PDE4D: variants seen among roughly 807,000 people sequenced by gnomAD.
PDE4D encodes 3',5'-cyclic-AMP phosphodiesterase 4D.
Under a neutral mutation model 87.4 loss-of-function variants are expected in PDE4D, and 24 were observed. That is an observed-to-expected ratio of 0.27 (90% CI 0.20 to 0.39). PDE4D has a LOEUF of 0.39. Among genes scored for constraint, PDE4D ranks in the 10% least tolerant of loss-of-function variants. The pLI is 1.00. For synonymous variants in PDE4D, 384 were observed against 383.2 expected, an observed-to-expected ratio of 1.00 and a Z score of -0.02; for missense variants, 714 against 1,041.0, an observed-to-expected ratio of 0.69 and a Z score of 4.32.
intron 5 of PDE4D, among the ~76,000 whole-genome samples, chr5:59,171,914 T>A (rs1282729768): frequency 1.7e-5 from 2 of 120,988 alleles, no homozygotes; most frequent in African/African-American, 6.7e-5. Context: ...ATATGAGAAA[T>A]ACATTATATA....
At chr5:58,997,345 C>G (rs1749461162) in intron 6 of PDE4D, among the ~76,000 whole-genome samples, 1 of 152,024 alleles carries the variant, frequency 6.6e-6, no homozygotes, top group South Asian at 2.1e-4. Context: ...ATTCAACAAA[C>G]ATTTAAAAAT....
At chr5:59,831,338 A>C (rs1741191731) in intron 1 of PDE4D, among the ~76,000 whole-genome samples, 1 of 151,566 alleles carries the variant, frequency 6.6e-6, no homozygotes, top group South Asian at 2.1e-4. Flanking sequence ...AAAAAAAAAA[A>C]AAAAAAAAAC....
intron 1 of PDE4D, among the ~76,000 whole-genome samples, chr5:59,297,928 C>G (rs1233515552): frequency 6.6e-6 from 1 of 151,902 alleles, no homozygotes; most frequent in Non-Finnish European, 1.5e-5. Flanking sequence ...TACTGTTATT[C>G]TATCAGTAAA....
At chr5:59,836,955 C>T (rs1211011436) in intron 1 of PDE4D, among the ~76,000 whole-genome samples, 1 of 151,964 alleles carries the variant, frequency 6.6e-6, no homozygotes. Context: ...CTTCCCCCTA[C>T]ATTCTGTCTC....
At chr5:59,870,108 A>T (rs1204890696) in intron 1 of PDE4D, among the ~76,000 whole-genome samples, 1 of 152,234 alleles carries the variant, frequency 6.6e-6, no homozygotes, top group Non-Finnish European at 1.5e-5. Context: ...GGTAAAAAAC[A>T]TTGCTGGAAT....
chr5:59,630,173 C>A (rs1008887455), intron 1 of PDE4D, among the ~76,000 whole-genome samples: 1 of 152,126 alleles, frequency 6.6e-6, no homozygotes, highest in African/African-American at 2.4e-5. Context: ...TATGCATATG[C>A]ACACATACGC....
At chr5:59,668,922 A>AAGAAGAAGAAGAAGAAGAAG (rs199660442) in intron 1 of PDE4D, among the ~76,000 whole-genome samples, 2 of 56,902 alleles carry the variant, frequency 3.5e-5, no homozygotes, top group Admixed American at 1.7e-4. Context: ...GAAGAAGAAG[A>AAGAAGAAGAAGAAGAAGAAG]AAGAAAGAAA....
At chr5:58,978,210 T>C (rs1744263131) in intron 11 of PDE4D, among the ~76,000 whole-genome samples, 1 of 146,746 alleles carries the variant, frequency 6.8e-6, no homozygotes, top group Non-Finnish European at 1.5e-5. Context: ...AGCCCAGGAG[T>C]TCAAGACCAG....
chr5:59,850,813 G>T (rs1383681243), intron 1 of PDE4D, among the ~76,000 whole-genome samples: 1 of 152,066 alleles, frequency 6.6e-6, no homozygotes, highest in Non-Finnish European at 1.5e-5. Flanking sequence ...TCCAATAGGA[G>T]ATGAGAACTT....
At chr5:60,131,859 T>C (rs1725588964) in intron 2 of PDE4D, among the ~76,000 whole-genome samples, 1 of 152,246 alleles carries the variant, frequency 6.6e-6, no homozygotes, top group Non-Finnish European at 1.5e-5. Context: ...TCCATCAGCA[T>C]TGGCTTATCT....
chr5:59,826,142 G>A (rs950012978), intron 1 of PDE4D, among the ~76,000 whole-genome samples: 1 of 152,138 alleles, frequency 6.6e-6, no homozygotes, highest in African/African-American at 2.4e-5. Context: ...ACATGGGCCT[G>A]CTAATATTTT....
chr5:59,027,233 G>A (rs1397718702), intron 6 of PDE4D, among the ~76,000 whole-genome samples: 1 of 152,168 alleles, frequency 6.6e-6, no homozygotes, highest in African/African-American at 2.4e-5. Context: ...GTTTTCAGTA[G>A]GGAAACCACA....
At chr5:59,298,080 T>C (rs963095982) in intron 1 of PDE4D, among the ~76,000 whole-genome samples, 83 of 150,346 alleles carry the variant, frequency 5.5e-4, no homozygotes, top group Admixed American at 6.6e-4. Flanking sequence ...AAAAATATGA[T>C]AGCAGGCAGC....
At chr5:60,516,554 T>C (rs958863482) in intron 1 of PDE4D, among the ~76,000 whole-genome samples, 1 of 152,066 alleles carries the variant, frequency 6.6e-6, no homozygotes. Flanking sequence ...TATTGAGAGG[T>C]GAGGAGAGCC....
chr5:59,699,102 C>T (rs924042988), intron 1 of PDE4D, among the ~76,000 whole-genome samples: 5 of 152,122 alleles, frequency 3.3e-5, no homozygotes, highest in Non-Finnish European at 4.4e-5. Context: ...AATTTCTTAA[C>T]CTTTTCATTT....
intron 1 of PDE4D, among the ~76,000 whole-genome samples, chr5:60,395,202 G>A (rs920856543): frequency 4.6e-5 from 7 of 152,148 alleles, no homozygotes; most frequent in South Asian, 4.2e-4. Flanking sequence ...AAAAATAATC[G>A]TACCAGCAGA....
At chr5:59,983,341 G>A (rs1216334430) in intron 3 of PDE4D, among the ~76,000 whole-genome samples, 1 of 152,008 alleles carries the variant, frequency 6.6e-6, no homozygotes, top group African/African-American at 2.4e-5. Flanking sequence ...TTGCCTTACA[G>A]TTTCCTCTCC....
At chr5:58,984,576 T>C (rs1437054148) in intron 11 of PDE4D, among the ~76,000 whole-genome samples, 1 of 152,184 alleles carries the variant, frequency 6.6e-6, no homozygotes, top group Non-Finnish European at 1.5e-5. Flanking sequence ...AATCTACTAG[T>C]GTAGCTATGA....
At chr5:59,566,388 T>TCTTACTGATC (rs1214249939) in intron 1 of PDE4D, among the ~76,000 whole-genome samples, 2 of 152,166 alleles carry the variant, frequency 1.3e-5, no homozygotes, top group Non-Finnish European at 2.9e-5. Context: ...CCTGGTTAAT[T>TCTTACTGATC]CTTACTGATC....
Sources: gnomAD v4.1 joint callset for allele counts (sites outside exome capture counted in the v4.1 genomes callset) on GRCh38, gnomAD v4.1.1 for gene constraint, MANE v1.5 for transcripts, NCBI Gene and HGNC (gene_info 2026-07-23, HGNC 2026-07-21) for gene names.